Variants in WDR19 observed in about 807,000 individuals in gnomAD.
WDR19 encodes the protein WD repeat-containing protein 19.
Under a neutral mutation model 180.0 loss-of-function variants are expected in WDR19, and 121 were observed. The ratio of observed to expected loss-of-function variants is 0.67; its 90% confidence interval spans 0.58 to 0.78. WDR19 has a LOEUF of 0.78. Ranked by LOEUF, WDR19 falls within the 30% of genes least tolerant of loss-of-function variation. The pLI, the probability that WDR19 is intolerant of heterozygous loss-of-function variation, is 0.00. For synonymous variants in WDR19, 497 were observed against 540.7 expected (o/e 0.92, Z 1.12); for missense variants, 1,450 against 1,640.7 (o/e 0.88, Z 2.01).
intron 1 of WDR19, among the ~76,000 whole-genome samples, chr4:39,184,417 A>T (rs529353437): frequency 2.9e-4 from 44 of 152,094 alleles, no homozygotes; most frequent in African/African-American, 9.2e-4. Context: ...GTCTAAAAAA[A>T]AATAAAAATA....
At chr4:39,229,807 G>T (rs528459751) in intron 17 of WDR19, among the ~76,000 whole-genome samples, 70 of 152,174 alleles carry the variant, frequency 4.6e-4, no homozygotes, top group Non-Finnish European at 9.1e-4. Flanking sequence ...ATGTGTCCTT[G>T]GAAGTCCATG....
chr4:39,283,700 GA>G, intron 36 of WDR19, among the ~76,000 whole-genome samples: 1 of 151,894 alleles, frequency 6.6e-6, no homozygotes, highest in African/African-American at 2.4e-5. Flanking sequence ...AAATTATAAA[GA>G]AAAAAATACA....
At chr4:39,208,079 A>G (rs1728131285) in intron 9 of WDR19, among the ~76,000 whole-genome samples, 1 of 152,148 alleles carries the variant, frequency 6.6e-6, no homozygotes, top group African/African-American at 2.4e-5. Context: ...TATAATCTAG[A>G]GCAACCTCTA....
At chr4:39,198,829 G>C (rs896790613) in intron 5 of WDR19, among the ~76,000 whole-genome samples, 5 of 152,046 alleles carry the variant, frequency 3.3e-5, no homozygotes, top group Non-Finnish European at 7.4e-5. Flanking sequence ...GTGAAACCCT[G>C]TCTCTACTAA....
chr4:39,268,922 A>T (rs1735069383), intron 30 of WDR19, among the ~76,000 whole-genome samples: 1 of 152,146 alleles, frequency 6.6e-6, no homozygotes, highest in Non-Finnish European at 1.5e-5. Context: ...CAGCATCCTG[A>T]AGGTTGGGGT....
chr4:39,247,072 C>A (rs541147227), intron 24 of WDR19, among the ~76,000 whole-genome samples: 62 of 152,334 alleles, frequency 4.1e-4, no homozygotes, highest in African/African-American at 1.5e-3. Context: ...GGGTCCCTGA[C>A]CCCTGAGTAG....
chr4:39,183,132 C>T (rs1391498261), intron 1 of WDR19, among the ~76,000 whole-genome samples: 1 of 152,048 alleles, frequency 6.6e-6, no homozygotes, highest in Non-Finnish European at 1.5e-5. Flanking sequence ...TCAGGTCTCA[C>T]GCTCATGTGC....
intron 3 of WDR19, among the ~76,000 whole-genome samples, chr4:39,188,322 G>A (rs1244048828): frequency 1.3e-5 from 2 of 151,912 alleles, no homozygotes; most frequent in Admixed American, 6.6e-5. Flanking sequence ...TATACATTTT[G>A]GAATAATAGC....
At chr4:39,284,694 T>G (rs1578082275) in intron 36 of WDR19, among the ~76,000 whole-genome samples, 1 of 150,990 alleles carries the variant, frequency 6.6e-6, no homozygotes, top group Middle Eastern at 3.4e-3. Flanking sequence ...AGTTTATAAC[T>G]GTTATCTATG....
intron 27 of WDR19, among the ~76,000 whole-genome samples, chr4:39,257,175 G>T (rs1733844070): frequency 6.6e-6 from 1 of 152,154 alleles, no homozygotes; most frequent in South Asian, 2.1e-4. Flanking sequence ...ATAGTAGCAG[G>T]TTGTCAGTAA....
At chr4:39,190,724 C>A (rs750341860) in intron 4 of WDR19, among the ~76,000 whole-genome samples, 1 of 152,174 alleles carries the variant, frequency 6.6e-6, no homozygotes, top group Non-Finnish European at 1.5e-5. Flanking sequence ...CCAAAGTGAC[C>A]GTTGAGGCAA....
chr4:39,234,120 A>G (rs1175369761), intron 19 of WDR19, among the ~76,000 whole-genome samples: 2 of 152,212 alleles, frequency 1.3e-5, no homozygotes, highest in African/African-American at 2.4e-5. Context: ...AAAGATAAAT[A>G]AGCTAATCCC....
intron 30 of WDR19, among the ~76,000 whole-genome samples, chr4:39,269,467 G>A (rs1011451041): frequency 6.6e-6 from 1 of 152,198 alleles, no homozygotes; most frequent in Non-Finnish European, 1.5e-5. Flanking sequence ...GGCCAGGGGG[G>A]TGCCCTGAGG....
At chr4:39,239,559 T>G (rs1731702468) in intron 20 of WDR19, among the ~76,000 whole-genome samples, 1 of 152,084 alleles carries the variant, frequency 6.6e-6, no homozygotes, top group African/African-American at 2.4e-5. Context: ...AAATAGCTAA[T>G]ACATGCTAGG....
intron 28 of WDR19, among the ~76,000 whole-genome samples, chr4:39,258,620 TCA>T (rs529346165): frequency 1.6e-3 from 245 of 152,284 alleles, no homozygotes; most frequent in African/African-American, 5.7e-3. Flanking sequence ...ACAAAAACCC[TCA>T]GTTTTATTGG....
intron 10 of WDR19, 28 bp from the exon 11 acceptor site, chr4:39,215,813 T>C: frequency 6.3e-7 from 1 of 1,583,426 alleles, no homozygotes; most frequent in Non-Finnish European, 8.6e-7. Flanking sequence ...TGTTTTTGAA[T>C]AATCATTTAT....
intron 33 of WDR19, 195 bp downstream of exon 33, chr4:39,275,153 A>G: frequency 1.5e-6 from 1 of 659,000 alleles, no homozygotes; most frequent in Non-Finnish European, 2.6e-6. Context: ...CAGCCTGGCC[A>G]ATATGATGAA....
chr4:39,244,130 A>G, intron 21 of WDR19, 118 bp from the exon 22 acceptor site: 1 of 1,229,972 alleles, frequency 8.1e-7, no homozygotes, highest in Non-Finnish European at 1.1e-6. Context: ...GCTTCCCTGA[A>G]AAGATAAAAG....
intron 5 of WDR19, among the ~76,000 whole-genome samples, chr4:39,196,320 C>T (rs894894688): frequency 1.2e-4 from 18 of 152,186 alleles, no homozygotes; most frequent in African/African-American, 2.4e-4. Context: ...ATACCTCCAA[C>T]GCTTACTCAA....
Sources: allele counts gnomAD v4.1 joint callset (sites outside exome capture counted in the v4.1 genomes callset), GRCh38; gene constraint gnomAD v4.1.1; transcripts MANE v1.5; gene names NCBI Gene and HGNC (gene_info 2026-07-23, HGNC 2026-07-21).